Variants in TMEM132C observed in about 807,000 individuals in gnomAD.
The protein encoded by TMEM132C is transmembrane protein 132C.
Under a neutral mutation model 61.4 loss-of-function variants are expected in TMEM132C, and 29 were observed. The observed-to-expected ratio is 0.47, with a 90% CI of 0.35 to 0.64. The LOEUF (loss-of-function observed/expected upper bound fraction) is 0.64. Ranked by LOEUF, TMEM132C falls within the 30% of genes least tolerant of loss-of-function variation. TMEM132C has a pLI of 0.00. For missense variants in TMEM132C, 1,408 were observed against 1,476.9 expected (o/e 0.95, Z 0.76); for synonymous variants, 656 against 633.1 (o/e 1.04, Z -0.54).
chr12:128,663,828 G>A (rs61940592), intron 4 of TMEM132C, among the ~76,000 whole-genome samples: 84,589 of 151,286 alleles, frequency 0.56, 23,661 homozygotes, highest in East Asian at 0.63. Context: ...CCACATACAG[G>A]CACACCCACC....
At chr12:128,428,595 A>G (rs1314297525) in intron 2 of TMEM132C, among the ~76,000 whole-genome samples, 1 of 152,176 alleles carries the variant, frequency 6.6e-6, no homozygotes, top group Admixed American at 6.5e-5. Context: ...CCCACCAAAA[A>G]CATGCTGTCT....
chr12:128,279,967 G>A (rs1214288913), intron 1 of TMEM132C, among the ~76,000 whole-genome samples: 2 of 152,154 alleles, frequency 1.3e-5, no homozygotes, highest in Admixed American at 6.5e-5. Context: ...GTGAGGCCCC[G>A]AATGCTTGAT....
At chr12:128,319,972 T>C (rs1206244020) in intron 1 of TMEM132C, among the ~76,000 whole-genome samples, 3 of 152,092 alleles carry the variant, frequency 2.0e-5, no homozygotes, top group Non-Finnish European at 4.4e-5. Context: ...TTGGCGGCAG[T>C]GTTTAGAAAA....
chr12:128,536,971 A>C (rs1327168593), intron 2 of TMEM132C, among the ~76,000 whole-genome samples: 2 of 152,220 alleles, frequency 1.3e-5, no homozygotes, highest in Admixed American at 1.3e-4. Flanking sequence ...TGGGAAGAAC[A>C]AGACAGGGAT....
At chr12:128,666,078 G>A (rs1433628001) in intron 4 of TMEM132C, among the ~76,000 whole-genome samples, 1 of 33,970 alleles carries the variant, frequency 2.9e-5, no homozygotes, top group Non-Finnish European at 4.9e-5. Flanking sequence ...CAAACACACA[G>A]GCACACACAC....
intron 7 of TMEM132C, 47 bp downstream of exon 7, chr12:128,696,150 A>G (rs926086670): frequency 6.5e-7 from 1 of 1,531,668 alleles, no homozygotes; most frequent in Non-Finnish European, 8.8e-7. Flanking sequence ...GCATGTGTGC[A>G]GTGTTGAGGG....
chr12:128,382,842 G>A (rs1286198390), intron 1 of TMEM132C, among the ~76,000 whole-genome samples: 1 of 152,224 alleles, frequency 6.6e-6, no homozygotes, highest in Admixed American at 6.5e-5. Context: ...ATGTATATCT[G>A]AGTATGTATG....
chr12:128,643,047 T>C (rs1276883374), intron 4 of TMEM132C, among the ~76,000 whole-genome samples: 1 of 152,168 alleles, frequency 6.6e-6, no homozygotes, highest in African/African-American at 2.4e-5. Context: ...CAGAGAATGC[T>C]TTCTTGAATT....
At chr12:128,366,902 G>C (rs181349895) in intron 1 of TMEM132C, among the ~76,000 whole-genome samples, 106 of 152,342 alleles carry the variant, frequency 7.0e-4, no homozygotes, top group African/African-American at 2.4e-3. Context: ...AAATAAGCAA[G>C]TGCTTAAGCA....
intron 3 of TMEM132C, among the ~76,000 whole-genome samples, chr12:128,611,348 ATTTCATTTATTG>A (rs1269985738): frequency 6.6e-6 from 1 of 150,462 alleles, no homozygotes; most frequent in East Asian, 2.0e-4. Context: ...TCTCTTCTTC[ATTTCATTTATTG>A]TTTCATTTCT....
chr12:128,493,885 T>G (rs917227732), intron 2 of TMEM132C, among the ~76,000 whole-genome samples: 1 of 152,200 alleles, frequency 6.6e-6, no homozygotes, highest in Non-Finnish European at 1.5e-5. Flanking sequence ...TCCAACACTA[T>G]GTTGAATAGG....
chr12:128,680,995 T>C (rs368637015), intron 5 of TMEM132C, among the ~76,000 whole-genome samples: 8 of 152,190 alleles, frequency 5.3e-5, no homozygotes, highest in African/African-American at 1.7e-4. Flanking sequence ...GAGACCCAGG[T>C]GTCTGGTTAG....
chr12:128,312,838 T>C (rs761971080), intron 1 of TMEM132C, among the ~76,000 whole-genome samples: 3 of 152,262 alleles, frequency 2.0e-5, no homozygotes, highest in Non-Finnish European at 4.4e-5. Flanking sequence ...ATTCACAGGC[T>C]GATGCACACT....
intron 2 of TMEM132C, among the ~76,000 whole-genome samples, chr12:128,427,905 A>G (rs1305834198): frequency 6.6e-6 from 1 of 152,182 alleles, no homozygotes; most frequent in Non-Finnish European, 1.5e-5. Context: ...AATTTTCCAG[A>G]GGGACCTTTA....
chr12:128,682,140 G>A (rs1215381600), intron 5 of TMEM132C, among the ~76,000 whole-genome samples: 4 of 152,180 alleles, frequency 2.6e-5, no homozygotes, highest in African/African-American at 9.7e-5. Flanking sequence ...GATTGGCTTA[G>A]GCCATCGTCA....
intron 1 of TMEM132C, among the ~76,000 whole-genome samples, chr12:128,332,236 G>A (rs973935731): frequency 7.9e-5 from 12 of 152,178 alleles, no homozygotes; most frequent in African/African-American, 2.4e-5. Context: ...AGACATCTAA[G>A]CATTTCTTTC....
At chr12:128,622,382 T>A (rs866620938) in intron 4 of TMEM132C, among the ~76,000 whole-genome samples, 2,182 of 108,098 alleles carry the variant, frequency 0.02, 192 homozygotes, top group East Asian at 0.079. Flanking sequence ...TATATATATA[T>A]ATATATATAT....
intron 1 of TMEM132C, among the ~76,000 whole-genome samples, chr12:128,395,511 T>C (rs974138272): frequency 1.3e-5 from 2 of 152,170 alleles, no homozygotes; most frequent in Non-Finnish European, 2.9e-5. Context: ...TATTCTAAGT[T>C]TGAAAATACA....
intron 1 of TMEM132C, among the ~76,000 whole-genome samples, chr12:128,281,332 T>C (rs1228544662): frequency 6.6e-6 from 1 of 152,174 alleles, no homozygotes; most frequent in African/African-American, 2.4e-5. Context: ...TTAGGACCCC[T>C]TCCTCTCCAG....
Sources: allele counts gnomAD v4.1 joint callset (sites outside exome capture counted in the v4.1 genomes callset), GRCh38; gene constraint gnomAD v4.1.1; transcripts MANE v1.5; gene names NCBI Gene and HGNC (gene_info 2026-07-23, HGNC 2026-07-21).